The following GRID2 variants were observed in gnomAD, a reference collection of about 807,000 sequenced individuals.
GRID2 encodes the protein glutamate ionotropic receptor delta type subunit 2.
In GRID2, 33 loss-of-function variants were observed where a neutral mutation model predicts 114.8. The ratio of observed to expected loss-of-function variants is 0.29; its 90% CI spans 0.22 to 0.38. The LOEUF (loss-of-function observed/expected upper bound fraction) is 0.38. GRID2 is among the 10% of genes least tolerant of loss of function. The pLI is 1.00. For synonymous variants in GRID2, 505 were observed against 449.9 expected, an observed-to-expected ratio of 1.12 and a Z score of -1.55; for missense variants, 1,184 against 1,257.7, an observed-to-expected ratio of 0.94 and a Z score of 0.89.
At chr4:92,822,579 T>C in intron 2 of GRID2, 1 of 248,758 alleles carries the variant, frequency 4.0e-6, no homozygotes. Flanking sequence ...AATCTACAGG[T>C]TGTCAATGGA....
intron 1 of GRID2, among the ~76,000 whole-genome samples, chr4:92,556,701 G>T (rs938790621): frequency 6.6e-6 from 1 of 152,056 alleles, no homozygotes; most frequent in Non-Finnish European, 1.5e-5. Flanking sequence ...CACTCACTTT[G>T]TTCAAGTTTT....
chr4:92,845,129 C>T (rs763611142), intron 2 of GRID2, among the ~76,000 whole-genome samples: 25 of 152,020 alleles, frequency 1.6e-4, no homozygotes, highest in Non-Finnish European at 3.1e-4. Flanking sequence ...TTGATGGTCC[C>T]CTGAAAGGTC....
intron 8 of GRID2, among the ~76,000 whole-genome samples, chr4:93,323,349 C>G (rs1579675500): frequency 1.3e-5 from 2 of 152,002 alleles, no homozygotes; most frequent in African/African-American, 2.4e-5. Context: ...CAAAGATCAG[C>G]TGGTTGTAGA....
At chr4:93,165,431 G>A (rs1738158165) in intron 4 of GRID2, among the ~76,000 whole-genome samples, 1 of 152,058 alleles carries the variant, frequency 6.6e-6, no homozygotes, top group East Asian at 1.9e-4. Flanking sequence ...ACACAGGAAA[G>A]AGGAGATATG....
chr4:92,403,027 A>G (rs1167989711), intron 1 of GRID2, among the ~76,000 whole-genome samples: 3 of 152,136 alleles, frequency 2.0e-5, no homozygotes, highest in African/African-American at 7.2e-5. Flanking sequence ...GTAGTTTTTC[A>G]TATGAAGAAG....
At chr4:93,787,092 C>T (rs1238744673) in intron 1 of GRID2, among the ~76,000 whole-genome samples, 1 of 151,436 alleles carries the variant, frequency 6.6e-6, no homozygotes, top group Non-Finnish European at 1.5e-5. Context: ...TTCCCTAGGA[C>T]TTTGGAGTCC....
At position 93,682,508 on chromosome 4, in the gene GRID2, A is replaced by G. The variant is rs558424183; in HGVS notation, c.2360+56073A>G. 5.2e-3 allele frequency among the ~76,000 whole-genome samples: 787 copies of G among 152,186 alleles called. 6 individuals carry two copies. The highest frequency in any genetic ancestry group is 0.018 in the African/African-American group (737 of 41,512). ...TATGTTTATTGTGGCACTATTCACA[A>G]TAGCAAAGACTTGGAACCAAGCCAA... On this transcript the variant is annotated intron_variant, in intron 14 of 15. Transcript: ENST00000282020.
At chr4:92,714,324 C>A (rs1735423861) in intron 2 of GRID2, among the ~76,000 whole-genome samples, 1 of 152,186 alleles carries the variant, frequency 6.6e-6, no homozygotes, top group South Asian at 2.1e-4. Context: ...ACCTCTGTGT[C>A]TTCACATGGT....
chr4:93,204,294 T>C (rs1384472756), intron 4 of GRID2, among the ~76,000 whole-genome samples: 2 of 152,106 alleles, frequency 1.3e-5, no homozygotes, highest in African/African-American at 4.8e-5. Flanking sequence ...GAGATTCAGA[T>C]AGACTCTTTC....
At chr4:92,924,688 G>A (rs541354144) in intron 2 of GRID2, among the ~76,000 whole-genome samples, 25 of 152,206 alleles carry the variant, frequency 1.6e-4, no homozygotes, top group Admixed American at 1.3e-3. Context: ...AACACAGCAT[G>A]ACAACATATG....
chr4:92,364,715 AGCT>A (rs1170806712), intron 1 of GRID2, among the ~76,000 whole-genome samples: 2 of 152,044 alleles, frequency 1.3e-5, no homozygotes, highest in East Asian at 3.9e-4. Context: ...GGAAGTGCAG[AGCT>A]CCAAAAACAA....
intron 2 of GRID2, among the ~76,000 whole-genome samples, chr4:92,925,121 A>T (rs1001538562): frequency 6.6e-6 from 1 of 152,218 alleles, no homozygotes; most frequent in East Asian, 1.9e-4. Flanking sequence ...TTCCTGTAAC[A>T]TTATCAGCAG....
chr4:93,613,384 C>A (rs1483701811), intron 13 of GRID2, among the ~76,000 whole-genome samples: 1 of 136,596 alleles, frequency 7.3e-6, no homozygotes, highest in African/African-American at 2.7e-5. Context: ...GGAGGAGAGG[C>A]GCTCTGCGTT....
At chr4:93,473,482 T>TA (rs1340205754) in intron 11 of GRID2, among the ~76,000 whole-genome samples, 44 of 152,116 alleles carry the variant, frequency 2.9e-4, no homozygotes, top group Non-Finnish European at 1.5e-4. Flanking sequence ...TCCCACTAGA[T>TA]ATTGAGAAGA....
In GRID2 at chr4:92,934,661, AACAGCATGGTACTGGTAC is replaced by A. The variant is rs1345286697; in HGVS notation, c.245-150333_245-150316del. Among the ~76,000 whole-genome samples the A allele has an allele frequency of 5.5e-5, 8 of 146,610 alleles. 2 individuals carry two copies. In the East Asian group the frequency reaches 1.7e-3, roughly 32 times the overall value. On this transcript the variant is annotated intron_variant, in intron 2 of 15. Transcript: ENST00000282020. ...TATACTACAAGGCTACAGTAACCAA[AACAGCATGGTACTGGTAC>A]CAAAACAGAGATATAGATCAACAGA...
At chr4:92,478,834 A>C (rs552016789) in intron 1 of GRID2, among the ~76,000 whole-genome samples, 1 of 152,070 alleles carries the variant, frequency 6.6e-6, no homozygotes, top group Non-Finnish European at 1.5e-5. Context: ...TTTTCTGTCC[A>C]CATCTCCCTA....
intron 1 of GRID2, among the ~76,000 whole-genome samples, chr4:93,800,965 A>G (rs762186544): frequency 3.3e-5 from 5 of 152,330 alleles, no homozygotes; most frequent in South Asian, 2.1e-4. Flanking sequence ...AGGTAATGTC[A>G]TTAGCACAAA....
chr4:92,614,002 ATCC>A (rs1479726896), intron 2 of GRID2, among the ~76,000 whole-genome samples: 13 of 151,512 alleles, frequency 8.6e-5, no homozygotes, highest in African/African-American at 3.1e-4. Context: ...TTATTATCAT[ATCC>A]ATCACTTCAA....
intron 8 of GRID2, among the ~76,000 whole-genome samples, chr4:93,333,644 G>T (rs1383225967): frequency 6.6e-6 from 1 of 152,266 alleles, no homozygotes; most frequent in East Asian, 1.9e-4. Flanking sequence ...ATTTCCTCAT[G>T]TGTGGTTGTA....
Sources: gnomAD v4.1 joint callset for allele counts (sites outside exome capture counted in the v4.1 genomes callset) on GRCh38, gnomAD v4.1.1 for gene constraint, MANE v1.5 for transcripts, NCBI Gene and HGNC (gene_info 2026-07-23, HGNC 2026-07-21) for gene names.